The following CHRNA6 variants were observed in gnomAD, a reference collection of about 807,000 sequenced individuals.
CHRNA6 encodes neuronal acetylcholine receptor subunit alpha-6.
In CHRNA6, 31 loss-of-function variants were observed where a neutral mutation model predicts 40.9. The ratio of observed to expected loss-of-function variants is 0.76; its 90% CI spans 0.57 to 1.02. The LOEUF (loss-of-function observed/expected upper bound fraction) is 1.02, where lower values mean the gene tolerates loss of function less well. Among genes scored for constraint, CHRNA6 ranks in the 50% least tolerant of loss-of-function variants. The pLI, the probability that CHRNA6 is intolerant of heterozygous loss-of-function variation, is 0.00. For synonymous variants in CHRNA6, 222 were observed against 221.3 expected (o/e 1.00, Z -0.03); for missense variants, 546 against 596.6 (o/e 0.92, Z 0.88).
At chr8:42,763,416 T>C (rs1816932421) in intron 2 of CHRNA6, among the ~76,000 whole-genome samples, 1 of 152,230 alleles carries the variant, frequency 6.6e-6, no homozygotes, top group Admixed American at 6.5e-5. Context: ...TTGTAAAGGC[T>C]GTGGGTTTTC....
chr8:42,759,279 C>A (rs774462182), intron 2 of CHRNA6, 166 bp from the exon 3 acceptor site: 1 of 601,932 alleles, frequency 1.7e-6, no homozygotes, highest in Non-Finnish European at 3.0e-6. Flanking sequence ...AGAAATGCCG[C>A]ATTTTCACAT....
At chr8:42,754,749 T>G (rs1188751362) in intron 5 of CHRNA6, among the ~76,000 whole-genome samples, 1 of 152,222 alleles carries the variant, frequency 6.6e-6, no homozygotes, top group Non-Finnish European at 1.5e-5. Context: ...CATGATTCTC[T>G]TGAGCTCTGT....
At chr8:42,761,135 A>G (rs1816898729) in intron 2 of CHRNA6, among the ~76,000 whole-genome samples, 1 of 152,232 alleles carries the variant, frequency 6.6e-6, no homozygotes, top group African/African-American at 2.4e-5. Context: ...AACTCTAAAC[A>G]GAAACCCTGC....
rs200851744 is a variant in CHRNA6 at position 42,753,186 on chromosome 8, T to G, written c.1478A>C (p.Lys493Thr). The change falls in exon 6 of 6, where the codon AAA becomes ACA. Residue 493 changes from lysine (K) to threonine (T), a missense_variant. By Grantham distance (78) the Lys-to-Thr change is moderately conservative (BLOSUM62 -1). Transcript: ENST00000276410. Reference protein sequence around the residue: ...FLQPLLGNTGKS With the variant: ...FLQPLLGNTGTS ...CATAAAAGAAAATACATTTTAAGAT[T>G]TTCCTGTGTTCCCAAGTAGTGGCTG... 6.3e-7 allele frequency: 1 copy of G among 1,592,552 alleles called. No homozygotes were observed. Among genetic ancestry groups the G allele is most frequent in the Non-Finnish European group, 8.5e-7 (1 of 1,175,114 alleles).
rs1457740091 is a variant in CHRNA6, at chr8:42,768,678, C to T, written c.-248G>A. 2.4e-6 allele frequency: 1 copy of T among 416,652 alleles called. No homozygotes were observed. The highest frequency in any genetic ancestry group is 4.4e-6 in the Non-Finnish European group (1 of 229,644). 25.8% of individuals were successfully genotyped at this position (416,652 alleles called of 1,614,324 possible). Reference sequence around the variant, plus strand: ...TCAGATGAGTCATCACATTTCCTGACAGCCTAGATGTCTCTTCATGCAAGA... The same window carrying T: ...TCAGATGAGTCATCACATTTCCTGATAGCCTAGATGTCTCTTCATGCAAGA... On this transcript the variant is annotated 5_prime_UTR_variant, in exon 1 of 6. Coordinates refer to ENST00000276410, the MANE Select transcript of CHRNA6 (RefSeq NM_004198.3).
intron 5 of CHRNA6, among the ~76,000 whole-genome samples, chr8:42,755,165 T>TG (rs1816776204): frequency 6.7e-6 from 1 of 148,448 alleles, no homozygotes; most frequent in South Asian, 2.1e-4. Flanking sequence ...ACTACAGGTA[T>TG]GCACCAACAC....
chr8:42,764,292 T>A (rs1279908087), intron 2 of CHRNA6, among the ~76,000 whole-genome samples: 1 of 152,100 alleles, frequency 6.6e-6, no homozygotes, highest in Non-Finnish European at 1.5e-5. Context: ...TTCCCAAGGC[T>A]GAATGGAATT....
intron 5 of CHRNA6, 144 bp downstream of exon 5, chr8:42,755,702 A>G: frequency 5.4e-6 from 5 of 934,044 alleles, no homozygotes; most frequent in Non-Finnish European, 8.2e-6. Flanking sequence ...ACCCATAACC[A>G]CATAATAACA....
At chr8:42,765,836 T>A (rs1816968730) in intron 1 of CHRNA6, among the ~76,000 whole-genome samples, 1 of 152,162 alleles carries the variant, frequency 6.6e-6, no homozygotes, top group African/African-American at 2.4e-5. Context: ...ACACTGATCA[T>A]TAGAGAAACG....
Position 42,756,958 on chromosome 8 carries a change from A to G in CHRNA6, c.344T>C (p.Ile115Thr). 2.5e-6 allele frequency: 4 copies of G among 1,614,068 alleles called. No homozygotes were observed. Among genetic ancestry groups the G allele is most frequent in the Non-Finnish European group, 3.4e-6 (4 of 1,179,896 alleles). The change falls in exon 4 of 6, where the codon ATT becomes ACT. Residue 115 changes from isoleucine (I) to threonine (T), a missense_variant. Ile to Thr is a moderately conservative substitution (Grantham distance 89). Coordinates refer to ENST00000276410, the MANE Select transcript of CHRNA6 (RefSeq NM_004198.3). Reference protein sequence around the residue: ...IETLRVPADKIWKPDIVLYNN... With the variant: ...IETLRVPADKTWKPDIVLYNN... Reference sequence around the variant, plus strand: ...ATAGAGAACAATGTCGGGCTTCCAAATCTTATCTGCAGGAACGCGAAGAGT... The same window carrying G: ...ATAGAGAACAATGTCGGGCTTCCAAGTCTTATCTGCAGGAACGCGAAGAGT...
At chr8:42,764,981 C>T in intron 2 of CHRNA6, 84 bp downstream of exon 2, 1 of 1,433,544 alleles carries the variant, frequency 7.0e-7, no homozygotes, top group Non-Finnish European at 9.6e-7. Flanking sequence ...AGATTTGCAT[C>T]TATCTGTATT....
intron 2 of CHRNA6, among the ~76,000 whole-genome samples, chr8:42,760,139 A>C (rs1816876990): frequency 6.6e-6 from 1 of 152,212 alleles, no homozygotes; most frequent in Admixed American, 6.5e-5. Flanking sequence ...ACTATAACAT[A>C]AGACAGCGTT....
intron 2 of CHRNA6, among the ~76,000 whole-genome samples, chr8:42,761,782 T>A (rs1816909135): frequency 6.6e-6 from 1 of 152,330 alleles, no homozygotes; most frequent in Non-Finnish European, 1.5e-5. Flanking sequence ...GCCATCACCC[T>A]GTACCTCCTT....
chr8:42,760,560 TCACA>T (rs1033831640), intron 2 of CHRNA6, among the ~76,000 whole-genome samples: 1 of 149,502 alleles, frequency 6.7e-6, no homozygotes, highest in Non-Finnish European at 1.5e-5. Context: ...TCAGGCACAC[TCACA>T]CAGTCATACA....
At chr8:42,766,348 C>A (rs1489345148) in intron 1 of CHRNA6, among the ~76,000 whole-genome samples, 2 of 152,030 alleles carry the variant, frequency 1.3e-5, no homozygotes, top group Non-Finnish European at 2.9e-5. Context: ...AAAACTTAGT[C>A]GGGCATGGTG....
chr8:42,764,755 G>A lies in CHRNA6; in HGVS notation c.219+310C>T, dbSNP rs577483160. ...TGAGCTTCCATTTCCTCAGCAGTGAGATGAAGATGTTGGCCACACAGTGTA... is the reference window on the plus strand; with the variant it reads ...TGAGCTTCCATTTCCTCAGCAGTGAAATGAAGATGTTGGCCACACAGTGTA... On this transcript the variant is annotated intron_variant, in intron 2 of 5. Coordinates refer to ENST00000276410, the MANE Select transcript of CHRNA6 (RefSeq NM_004198.3). Among the ~76,000 whole-genome samples the A allele has an allele frequency of 2.6e-5, 4 of 152,342 alleles. No individual in the cohort carries two copies. The East Asian group carries it at 7.7e-4, about 29-fold the overall frequency.
chr8:42,761,317 G>A (rs866606616), intron 2 of CHRNA6, among the ~76,000 whole-genome samples: 11 of 152,254 alleles, frequency 7.2e-5, no homozygotes, highest in African/African-American at 2.7e-4. Context: ...CAAGCCTGCG[G>A]TCATGCCTTC....
At chr8:42,760,116 C>T (rs1191060954) in intron 2 of CHRNA6, among the ~76,000 whole-genome samples, 1 of 152,200 alleles carries the variant, frequency 6.6e-6, no homozygotes, top group Admixed American at 6.5e-5. Flanking sequence ...CATAAAATTA[C>T]TAATACATCT....
At position 42,752,622 on chromosome 8, in the gene CHRNA6, T is replaced by G. The variant is rs1025872777; in HGVS notation, c.*557A>C. Reference sequence around the variant, plus strand: ...GGCCACCACACCTGACCAAACTGTTTTTTTTTTTTTTTTTTTAAAACTAAC... The same window carrying G: ...GGCCACCACACCTGACCAAACTGTTGTTTTTTTTTTTTTTTTAAAACTAAC... On this transcript the variant is annotated 3_prime_UTR_variant, in exon 6 of 6. Coordinates refer to ENST00000276410, the MANE Select transcript of CHRNA6 (RefSeq NM_004198.3). The G allele has an allele frequency of 5.5e-5, 8 of 145,938 alleles. No homozygotes were observed. The highest frequency in any genetic ancestry group is 1.9e-4 in the East Asian group (1 of 5,166). 9.0% of individuals were successfully genotyped at this position (145,938 alleles called of 1,614,324 possible). A position where few individuals can be genotyped will look rare whatever the true frequency, so the allele number is the denominator to read the frequency against.
Sources: allele counts gnomAD v4.1 joint callset (sites outside exome capture counted in the v4.1 genomes callset), GRCh38; gene constraint gnomAD v4.1.1; transcripts MANE v1.5; gene names NCBI Gene and HGNC (gene_info 2026-07-23, HGNC 2026-07-21).